ADGRD1: variants seen among roughly 807,000 people sequenced by gnomAD.
The protein encoded by ADGRD1 is adhesion G protein-coupled receptor D1, also known as G-protein coupled receptor 133.
Under a neutral mutation model 113.4 loss-of-function variants are expected in ADGRD1, and 77 were observed. The ratio of observed to expected loss-of-function variants is 0.68; its 90% CI spans 0.57 to 0.82. The LOEUF (loss-of-function observed/expected upper bound fraction) is 0.82. Ranked by LOEUF, ADGRD1 falls within the 40% of genes least tolerant of loss-of-function variation. ADGRD1 has a pLI of 0.00. For missense variants in ADGRD1, 1,036 were observed against 1,139.1 expected (o/e 0.91, Z 1.30); for synonymous variants, 474 against 475.0 (o/e 1.00, Z 0.03).
intron 13 of ADGRD1, among the ~76,000 whole-genome samples, chr12:131,074,620 C>T (rs1456576676): frequency 6.6e-6 from 1 of 152,210 alleles, no homozygotes; most frequent in Non-Finnish European, 1.5e-5. Flanking sequence ...ATATCAAAAA[C>T]ACACCCACCC....
intron 20 of ADGRD1, among the ~76,000 whole-genome samples, 183 bp from the exon 21 acceptor site, chr12:131,131,542 A>G (rs1007642164): frequency 1.3e-5 from 2 of 152,150 alleles, no homozygotes; most frequent in Non-Finnish European, 2.9e-5. Flanking sequence ...GCAAGCTTGC[A>G]TGTTGTGTGT....
intron 13 of ADGRD1, among the ~76,000 whole-genome samples, chr12:131,069,014 C>G (rs1010816204): frequency 6.6e-6 from 1 of 152,250 alleles, no homozygotes; most frequent in African/African-American, 2.4e-5. Flanking sequence ...TTTCTTTACT[C>G]CTGAAAGATG....
intron 14 of ADGRD1, among the ~76,000 whole-genome samples, chr12:131,077,237 G>T (rs1234853753): frequency 6.6e-6 from 1 of 152,104 alleles, no homozygotes; most frequent in Non-Finnish European, 1.5e-5. Context: ...AGCAGCTGAG[G>T]AAGGGGGTTG....
intron 12 of ADGRD1, among the ~76,000 whole-genome samples, chr12:131,007,718 C>A (rs1222742572): frequency 6.6e-6 from 1 of 152,240 alleles, no homozygotes; most frequent in Non-Finnish European, 1.5e-5. Context: ...TGACACCAGC[C>A]CCACAACATG....
intron 4 of ADGRD1, among the ~76,000 whole-genome samples, chr12:130,974,093 T>C (rs1008247899): frequency 3.3e-5 from 5 of 152,188 alleles, no homozygotes; most frequent in African/African-American, 1.2e-4. Flanking sequence ...GACCGGGCCA[T>C]GAGCCTGTGC....
rs1876681268 is a variant in ADGRD1 at position 131,003,619 on chromosome 12, G to A, written c.1144+317G>A. On this transcript the variant is annotated intron_variant, in intron 10 of 24. Coordinates refer to ENST00000261654, the MANE Select transcript of ADGRD1 (RefSeq NM_198827.5). The surrounding 1 kb of genome is among the most constrained non-coding windows in gnomAD (Gnocchi z 4.8). ...AAGAGTCTGTGGAATAAAAGGGGTG[G>A]CCTCGGGTTTCTGGCGTCAGCTTGC... is the stretch of plus-strand genomic sequence containing the variant. Among the ~76,000 whole-genome samples, 1 of 152,230 alleles carries A rather than the reference G, an allele frequency of 6.6e-6. No homozygotes were observed. Among genetic ancestry groups the A allele is most frequent in the South Asian group, 2.1e-4 (1 of 4,834 alleles).
chr12:131,092,758 AC>A (rs1886996784), intron 15 of ADGRD1, among the ~76,000 whole-genome samples: 2 of 152,136 alleles, frequency 1.3e-5, no homozygotes, highest in South Asian at 4.2e-4. Context: ...ACGGTCATGA[AC>A]CGTGGTCTGA....
chr12:131,046,027 G>T (rs1045023961), intron 13 of ADGRD1, among the ~76,000 whole-genome samples: 3 of 148,980 alleles, frequency 2.0e-5, no homozygotes, highest in Admixed American at 1.3e-4. Context: ...GTCCTCCCTG[G>T]TCAGTGTCCT....
intron 5 of ADGRD1, among the ~76,000 whole-genome samples, chr12:130,986,288 A>C (rs1376892481): frequency 6.6e-6 from 1 of 152,230 alleles, no homozygotes; most frequent in African/African-American, 2.4e-5. Context: ...TGAATATGGA[A>C]TATCTCTCCA....
At chr12:131,133,944 G>T (rs1226272820) in intron 21 of ADGRD1, among the ~76,000 whole-genome samples, 3 of 152,194 alleles carry the variant, frequency 2.0e-5, no homozygotes, top group Admixed American at 1.3e-4. Context: ...TTCCTCAGGG[G>T]CCCTCCACAG....
Position 131,076,918 on chromosome 12 carries a change from A to C in ADGRD1, c.1547+44A>C, listed in dbSNP as rs201669403. On this transcript the variant is annotated intron_variant, in intron 14 of 24. Coordinates refer to ENST00000261654, the MANE Select transcript of ADGRD1 (RefSeq NM_198827.5). ...AGAGCAGGTGGGCATGAGGTGTCCAAGCCCAGGCCCGCCCCATGCCAGCCC... is the reference window on the plus strand; with the variant it reads ...AGAGCAGGTGGGCATGAGGTGTCCACGCCCAGGCCCGCCCCATGCCAGCCC... 4.5e-5 allele frequency: 67 copies of C among 1,496,004 alleles called. No homozygotes were observed. The African/African-American group carries it at 7.8e-4, about 18-fold the overall frequency. The allele number at this position is 1,496,004 out of a possible 1,614,324, so 92.7% of individuals were successfully genotyped here. A position where few individuals can be genotyped will look rare whatever the true frequency, so the allele number is the denominator to read the frequency against.
In ADGRD1 at chr12:131,033,468, C is replaced by G. The variant is rs559976281; in HGVS notation, c.1473+19128C>G. Reference sequence around the variant, plus strand: ...TCCTTCCCGCTCAGAGCGTGGCATGCAGGGTTGGGTTCCTTATGTCTTTTC... The same window carrying G: ...TCCTTCCCGCTCAGAGCGTGGCATGGAGGGTTGGGTTCCTTATGTCTTTTC... On this transcript the variant is annotated intron_variant, in intron 13 of 24. Coordinates refer to ENST00000261654, the MANE Select transcript of ADGRD1 (RefSeq NM_198827.5). 3.7e-4 allele frequency among the ~76,000 whole-genome samples: 57 copies of G among 152,352 alleles called. No individual in the cohort carries two copies. The South Asian group carries it at 0.012, about 32-fold the overall frequency.
At chr12:131,122,649 G>A (rs1368246911) in intron 20 of ADGRD1, among the ~76,000 whole-genome samples, 2 of 152,230 alleles carry the variant, frequency 1.3e-5, no homozygotes, top group East Asian at 3.8e-4. Flanking sequence ...GGGTGGGAAG[G>A]GTAAGTTGTA....
intron 13 of ADGRD1, among the ~76,000 whole-genome samples, chr12:131,071,289 G>T (rs1390665562): frequency 7.1e-6 from 1 of 141,520 alleles, no homozygotes; most frequent in African/African-American, 2.6e-5. Flanking sequence ...GTGAAAGGAG[G>T]TGGAGCCATG....
intron 15 of ADGRD1, among the ~76,000 whole-genome samples, chr12:131,090,270 A>G (rs1172023873): frequency 6.6e-6 from 1 of 152,248 alleles, no homozygotes; most frequent in Non-Finnish European, 1.5e-5. Flanking sequence ...GGCTGATATC[A>G]TAAGTAGAAA....
intron 13 of ADGRD1, among the ~76,000 whole-genome samples, chr12:131,043,972 G>C (rs1453132438): frequency 6.6e-6 from 1 of 152,148 alleles, no homozygotes; most frequent in South Asian, 2.1e-4. Flanking sequence ...GAAGCATTTG[G>C]CCGGGCCACT....
At chr12:130,964,503 T>C (rs527380841) in intron 2 of ADGRD1, among the ~76,000 whole-genome samples, 3 of 152,170 alleles carry the variant, frequency 2.0e-5, no homozygotes, top group South Asian at 4.2e-4. Flanking sequence ...CCGGCCAACA[T>C]GGTGAAACCC....
At chr12:131,037,898 C>T (rs1187770452) in intron 13 of ADGRD1, among the ~76,000 whole-genome samples, 1 of 149,838 alleles carries the variant, frequency 6.7e-6, no homozygotes. Context: ...GAGCCTCACT[C>T]ACCACACCGG....
At chr12:131,133,059 A>C (rs1474825203) in intron 21 of ADGRD1, among the ~76,000 whole-genome samples, 1 of 152,090 alleles carries the variant, frequency 6.6e-6, no homozygotes, top group Non-Finnish European at 1.5e-5. Context: ...CCCGTGCGAG[A>C]AGAGATGCTC....
Sources: gnomAD v4.1 joint callset for allele counts (sites outside exome capture counted in the v4.1 genomes callset) on GRCh38, gnomAD v4.1.1 for gene constraint, Gnocchi (gnomAD v3.1) non-coding constraint, MANE v1.5 for transcripts, NCBI Gene and HGNC (gene_info 2026-07-23, HGNC 2026-07-21) for gene names.